The following NAALADL2 variants were observed in gnomAD, a reference collection of about 807,000 sequenced individuals.
The protein encoded by NAALADL2 is inactive N-acetylated-alpha-linked acidic dipeptidase-like protein 2.
A neutral mutation model predicts 87.2 loss-of-function variants in NAALADL2; 76 were observed. The observed-to-expected ratio is 0.87, with a 90% CI of 0.72 to 1.05. NAALADL2 has a LOEUF of 1.05. Ranked by LOEUF, NAALADL2 falls within the 50% of genes least tolerant of loss-of-function variation. The probability of loss-of-function intolerance (pLI) is 0.00; values close to 1 mark genes in which losing one functional copy is unlikely to be tolerated. For synonymous variants in NAALADL2, 354 were observed against 331.0 expected, an observed-to-expected ratio of 1.07 and a Z score of -0.75; for missense variants, 1,089 against 945.8, an observed-to-expected ratio of 1.15 and a Z score of -1.99.
At chr3:174,889,947 G>T (rs1448160797) in intron 1 of NAALADL2, among the ~76,000 whole-genome samples, 1 of 152,166 alleles carries the variant, frequency 6.6e-6, no homozygotes, top group African/African-American at 2.4e-5. Flanking sequence ...TCAGATGTGA[G>T]TGTGTGAATT....
At chr3:175,239,512 T>C (rs1271623814) in intron 3 of NAALADL2, among the ~76,000 whole-genome samples, 1 of 152,214 alleles carries the variant, frequency 6.6e-6, no homozygotes, top group Non-Finnish European at 1.5e-5. Flanking sequence ...ATTGGTCAGA[T>C]TGGTTCTGCC....
chr3:175,357,964 G>A (rs944679375), intron 5 of NAALADL2, among the ~76,000 whole-genome samples: 1 of 152,138 alleles, frequency 6.6e-6, no homozygotes, highest in Non-Finnish European at 1.5e-5. Flanking sequence ...AGGTGGGGAG[G>A]TTACCTAAGT....
intron 4 of NAALADL2, among the ~76,000 whole-genome samples, chr3:175,314,431 A>G (rs941515024): frequency 6.6e-6 from 1 of 150,978 alleles, no homozygotes; most frequent in African/African-American, 2.4e-5. Flanking sequence ...AACAAAAATC[A>G]AAATAAAATA....
rs1365350034 is a variant in NAALADL2 at position 175,809,666 on chromosome 3, A to G, written c.*6463A>G. On this transcript the variant is annotated 3_prime_UTR_variant, in exon 14 of 14. Coordinates refer to ENST00000454872, the MANE Select transcript of NAALADL2 (RefSeq NM_207015.3). Reference sequence around the variant, plus strand: ...CAGTGAGCTAAAATCATGCCACTGTAGTCCAGCCTGTGTAACAGAACCTAT... The same window carrying G: ...CAGTGAGCTAAAATCATGCCACTGTGGTCCAGCCTGTGTAACAGAACCTAT... The G allele has an allele frequency of 1.3e-5, 2 of 151,978 alleles. No individual in the cohort carries two copies. The highest frequency in any genetic ancestry group is 1.5e-5 in the Non-Finnish European group (1 of 67,940). 9.4% of individuals were successfully genotyped at this position (151,978 alleles called of 1,614,324 possible). A position where few individuals can be genotyped will look rare whatever the true frequency, so the allele number is the denominator to read the frequency against.
chr3:175,773,373 G>C (rs1218883984), intron 13 of NAALADL2: 5 of 151,790 alleles, frequency 3.3e-5, no homozygotes, highest in Non-Finnish European at 7.4e-5. Flanking sequence ...TATTTTTATT[G>C]GTTACTTCTA....
chr3:174,458,240 A>G (rs1168112076), intron 1 of NAALADL2, among the ~76,000 whole-genome samples: 1 of 152,204 alleles, frequency 6.6e-6, no homozygotes, highest in African/African-American at 2.4e-5. Flanking sequence ...GCATTATCCT[A>G]CATTACATTG....
At chr3:175,793,246 A>G (rs1753016078) in intron 13 of NAALADL2, among the ~76,000 whole-genome samples, 1 of 152,004 alleles carries the variant, frequency 6.6e-6, no homozygotes, top group African/African-American at 2.4e-5. Context: ...GACAATGAAC[A>G]GTATATGACA....
At chr3:175,556,739 T>A (rs1715341563) in intron 9 of NAALADL2, among the ~76,000 whole-genome samples, 1 of 152,226 alleles carries the variant, frequency 6.6e-6, no homozygotes, top group Admixed American at 6.5e-5. Flanking sequence ...CTTACAAACT[T>A]TTCTTCTATA....
chr3:175,669,454 T>G (rs1037960499), intron 11 of NAALADL2, among the ~76,000 whole-genome samples: 2 of 152,102 alleles, frequency 1.3e-5, no homozygotes, highest in African/African-American at 4.8e-5. Flanking sequence ...GCATCTTTAT[T>G]CATTGAAGAA....
chr3:174,448,048 GA>G lies in NAALADL2; in HGVS notation c.-184+7020del, dbSNP rs1467529042. ...CCACACTGATCTTTTAGATTTGTGGGAAAACTTTCCTTCTTTATTTTCCTCT... is the reference window on the plus strand; with the variant it reads ...CCACACTGATCTTTTAGATTTGTGGGAAACTTTCCTTCTTTATTTTCCTCT... On this transcript the variant is annotated intron_variant, in intron 1 of 3. Coordinates refer to the NAALADL2 transcript ENST00000434257. 5.9e-5 allele frequency among the ~76,000 whole-genome samples: 9 copies of G among 152,224 alleles called. No homozygotes were observed. The East Asian group carries it at 1.7e-3, about 29-fold the overall frequency.
chr3:175,646,905 C>T (rs1182950220), intron 11 of NAALADL2, among the ~76,000 whole-genome samples: 2 of 151,986 alleles, frequency 1.3e-5, no homozygotes, highest in African/African-American at 4.8e-5. Flanking sequence ...GTAGATAATG[C>T]TGCAGTAACA....
intron 2 of NAALADL2, among the ~76,000 whole-genome samples, chr3:175,224,097 T>A (rs975416359): frequency 2.0e-5 from 3 of 152,014 alleles, no homozygotes; most frequent in African/African-American, 7.2e-5. Context: ...ACAGGTCTAT[T>A]GCAAGCGCAA....
At chr3:174,687,604 C>G (rs1375288451) in intron 2 of NAALADL2, among the ~76,000 whole-genome samples, 1 of 152,016 alleles carries the variant, frequency 6.6e-6, no homozygotes, top group African/African-American at 2.4e-5. Flanking sequence ...AATAAATCGA[C>G]AAGTGCAATA....
chr3:175,093,740 A>T (rs942565017), intron 1 of NAALADL2, among the ~76,000 whole-genome samples: 1 of 151,772 alleles, frequency 6.6e-6, no homozygotes, highest in African/African-American at 2.4e-5. Flanking sequence ...ATCTACCTTT[A>T]TCCCAGATGT....
At chr3:174,461,229 T>G in intron 1 of NAALADL2, among the ~76,000 whole-genome samples, 1 of 152,096 alleles carries the variant, frequency 6.6e-6, no homozygotes, top group East Asian at 1.9e-4. Flanking sequence ...AAATGAATGT[T>G]TTATGCCAAT....
At chr3:174,515,576 G>T (rs984384927) in intron 1 of NAALADL2, among the ~76,000 whole-genome samples, 1 of 151,614 alleles carries the variant, frequency 6.6e-6, no homozygotes, top group Non-Finnish European at 1.5e-5. Context: ...AGTATATCAG[G>T]TACTATATTA....
chr3:174,877,239 C>A (rs1416860918), intron 1 of NAALADL2, among the ~76,000 whole-genome samples: 1 of 152,048 alleles, frequency 6.6e-6, no homozygotes, highest in African/African-American at 2.4e-5. Context: ...GGTTTATTTT[C>A]ATATATTTTA....
rs35051279 is a variant in NAALADL2, at chr3:174,908,021, GTTTTT to G, written c.43+48590_43+48594del. 5.9e-3 allele frequency among the ~76,000 whole-genome samples: 491 copies of G among 82,576 alleles called. 2 individuals are homozygous for G. The highest frequency in any genetic ancestry group is 0.011 in the African/African-American group (234 of 20,582). 54.2% of individuals were successfully genotyped at this position (82,576 alleles called of 152,430 possible). On this transcript the variant is annotated intron_variant, in intron 1 of 13. Coordinates refer to ENST00000454872, the MANE Select transcript of NAALADL2 (RefSeq NM_207015.3). ...ATCTCTTTTCGAAAGAGAGAAGTTG[GTTTTT>G]TTTTTTTTTTTTTTTTTTGGCCTGA... is the stretch of plus-strand genomic sequence containing the variant.
In NAALADL2 at chr3:175,788,759, A is replaced by AAAAC. The variant is rs1752420602; in HGVS notation, c.2190-14243_2190-14240dup. 2.6e-5 allele frequency among the ~76,000 whole-genome samples: 4 copies of AAAAC among 152,182 alleles called. No individual in the cohort carries two copies. In the South Asian group the frequency reaches 8.3e-4, roughly 31 times the overall value. Reference sequence around the variant, plus strand: ...ATGGTCACATAAATATATTTCTTAGAAAACAATGTTGAAATCTTACTCAAA... The same window carrying AAAAC: ...ATGGTCACATAAATATATTTCTTAGAAAACAAACAATGTTGAAATCTTACTCAAA... On this transcript the variant is annotated intron_variant, in intron 13 of 13. Transcript: ENST00000454872.
Sources: gnomAD v4.1 joint callset for allele counts (sites outside exome capture counted in the v4.1 genomes callset) on GRCh38, gnomAD v4.1.1 for gene constraint, MANE v1.5 for transcripts, NCBI Gene and HGNC (gene_info 2026-07-23, HGNC 2026-07-21) for gene names.